PDE1A: variants seen among roughly 807,000 people sequenced by gnomAD.
PDE1A encodes dual specificity calcium/calmodulin-dependent 3',5'-cyclic nucleotide phosphodiesterase 1A.
A neutral mutation model predicts 61.7 loss-of-function variants in PDE1A; 35 were observed. The ratio of observed to expected loss-of-function variants is 0.57; its 90% CI spans 0.43 to 0.75. PDE1A has a LOEUF of 0.75. Ranked by LOEUF, PDE1A falls within the 30% of genes least tolerant of loss-of-function variation. PDE1A has a pLI of 0.00. For synonymous variants in PDE1A, 232 were observed against 213.2 expected (o/e 1.09, Z -0.77); for missense variants, 597 against 630.6 (o/e 0.95, Z 0.57).
At chr2:182,479,380 G>A (rs1687567570) in intron 2 of PDE1A, among the ~76,000 whole-genome samples, 1 of 151,874 alleles carries the variant, frequency 6.6e-6, no homozygotes, top group African/African-American at 2.4e-5. Flanking sequence ...GGATAAATTT[G>A]GGCATTACAA....
chr2:182,220,174 A>G lies in PDE1A; in HGVS notation c.776+3690T>C, dbSNP rs559082939. On this transcript the variant is annotated intron_variant, in intron 7 of 13. Transcript: ENST00000351439. ...TTAATAATCTTAGTTAAGGCCTAAA[A>G]AGGATTTAATGAATAATCATACCTC... 2.0e-5 allele frequency among the ~76,000 whole-genome samples: 3 copies of G among 152,198 alleles called. No homozygotes were observed. In the South Asian group the frequency reaches 6.2e-4, roughly 32 times the overall value.
chr2:182,661,987 G>A, the PDE1A span, among the ~76,000 whole-genome samples: 11 of 151,776 alleles, frequency 7.2e-5, no homozygotes, highest in Non-Finnish European at 1.6e-4. Context: ...AATTCGACCA[G>A]CTGATTCTAA....
the PDE1A span, among the ~76,000 whole-genome samples, chr2:182,561,093 G>C: frequency 6.9e-6 from 1 of 144,442 alleles, no homozygotes; most frequent in Non-Finnish European, 1.5e-5. Context: ...GGCTTTTGTT[G>C]CCATTGCTTT....
At chr2:182,531,681 A>G in the PDE1A span, among the ~76,000 whole-genome samples, 2 of 152,182 alleles carry the variant, frequency 1.3e-5, no homozygotes, top group African/African-American at 4.8e-5. Context: ...AGTTCACATT[A>G]TAGTCATATA....
intron 7 of PDE1A, among the ~76,000 whole-genome samples, chr2:182,219,326 A>G (rs1448270734): frequency 6.6e-6 from 1 of 152,188 alleles, no homozygotes; most frequent in East Asian, 1.9e-4. Context: ...TTCAAGTTGC[A>G]TTGATGAATT....
the PDE1A span, among the ~76,000 whole-genome samples, chr2:182,563,449 A>G: frequency 6.6e-6 from 1 of 151,948 alleles, no homozygotes; most frequent in Non-Finnish European, 1.5e-5. Flanking sequence ...GTTCTTTTCC[A>G]TTTGCTGAGG....
the PDE1A span, among the ~76,000 whole-genome samples, chr2:182,627,068 A>ATT: frequency 1.5e-4 from 1 of 6,562 alleles, no homozygotes; most frequent in Non-Finnish European, 2.9e-4. Flanking sequence ...ATAATATATT[A>ATT]TTTATATATA....
At chr2:182,220,751 T>G (rs998251335) in intron 7 of PDE1A, among the ~76,000 whole-genome samples, 6 of 152,110 alleles carry the variant, frequency 3.9e-5, no homozygotes, top group African/African-American at 1.4e-4. Context: ...TTTTGTATTA[T>G]GTAGTAAATT....
At chr2:182,200,901 T>A (rs114010362) in intron 10 of PDE1A, among the ~76,000 whole-genome samples, 1 of 152,164 alleles carries the variant, frequency 6.6e-6, no homozygotes, top group Admixed American at 6.5e-5. Context: ...AACAGGGACA[T>A]GTATAAAGAA....
intron 13 of PDE1A, among the ~76,000 whole-genome samples, chr2:182,173,744 A>T (rs1055254072): frequency 2.8e-4 from 43 of 152,034 alleles, no homozygotes; most frequent in African/African-American, 9.2e-4. Context: ...GTACATGTAT[A>T]TTCTCTCAGA....
At chr2:182,684,946 G>C in the PDE1A span, among the ~76,000 whole-genome samples, 2 of 151,866 alleles carry the variant, frequency 1.3e-5, no homozygotes, top group South Asian at 2.1e-4. Context: ...AGAAAGGGAG[G>C]GGTAGATTCA....
intron 13 of PDE1A, among the ~76,000 whole-genome samples, chr2:182,156,190 T>C (rs1237649549): frequency 6.6e-6 from 1 of 152,144 alleles, no homozygotes; most frequent in Non-Finnish European, 1.5e-5. Flanking sequence ...GGAAATAGCA[T>C]AAGAGCATAA....
chr2:182,230,649 C>CA (rs1230693342), intron 5 of PDE1A, among the ~76,000 whole-genome samples: 4 of 152,134 alleles, frequency 2.6e-5, no homozygotes, highest in African/African-American at 9.7e-5. Flanking sequence ...GAAACCCCTT[C>CA]ATTCTAATTT....
At chr2:182,662,926 A>G in the PDE1A span, among the ~76,000 whole-genome samples, 2 of 152,216 alleles carry the variant, frequency 1.3e-5, no homozygotes, top group African/African-American at 4.8e-5. Flanking sequence ...TTTGCAAACT[A>G]TGCATCTGAC....
At chr2:182,464,832 T>A (rs1037148003) in intron 2 of PDE1A, among the ~76,000 whole-genome samples, 1 of 152,114 alleles carries the variant, frequency 6.6e-6, no homozygotes, top group South Asian at 2.1e-4. Context: ...ACCAGGGTGC[T>A]GAGACCACCA....
chr2:182,389,386 C>T (rs2082137), intron 1 of PDE1A, among the ~76,000 whole-genome samples: 161 of 151,854 alleles, frequency 1.1e-3, no homozygotes, highest in African/African-American at 3.6e-3. Context: ...TCAAAATATA[C>T]GAGGTATACA....
intron 1 of PDE1A, among the ~76,000 whole-genome samples, chr2:182,368,560 TGA>T (rs1280239327): frequency 1.3e-5 from 2 of 151,960 alleles, no homozygotes; most frequent in African/African-American, 4.8e-5. Context: ...ACAATGGGGC[TGA>T]GAGAGATTAA....
At chr2:182,377,897 G>A (rs1341181016) in intron 1 of PDE1A, among the ~76,000 whole-genome samples, 2 of 151,644 alleles carry the variant, frequency 1.3e-5, no homozygotes, top group Non-Finnish European at 2.9e-5. Context: ...CCAGACTGGA[G>A]TGCAGTGGTG....
Position 182,499,181 on chromosome 2 carries a change from T to TTTTTTG in PDE1A, c.101+23094_101+23095insCAAAAA, listed in dbSNP as rs1553633036. On this transcript the variant is annotated intron_variant, in intron 2 of 14. Coordinates refer to the PDE1A transcript ENST00000410103. Reference sequence around the variant, plus strand: ...TTCTTTCTCTTTTTCTTGTTTTTTTTTTTTTTTTTTTTTGAGACGGAGTCT... The same window carrying TTTTTTG: ...TTCTTTCTCTTTTTCTTGTTTTTTTTTTTTTGTTTTTTTTTTTTTGAGACGGAGTCT... 6.9e-3 allele frequency among the ~76,000 whole-genome samples: 785 copies of TTTTTTG among 114,074 alleles called. 48 individuals carry two copies. The highest frequency in any genetic ancestry group is 0.038 in the African/African-American group (744 of 19,562). The allele number at this position is 114,074 out of a possible 152,430, so 74.8% of individuals were successfully genotyped here.
Sources: gnomAD v4.1 joint callset for allele counts (sites outside exome capture counted in the v4.1 genomes callset) on GRCh38, gnomAD v4.1.1 for gene constraint, MANE v1.5 for transcripts, NCBI Gene and HGNC (gene_info 2026-07-23, HGNC 2026-07-21) for gene names.